The following OR1J2 variants were observed in gnomAD, a reference collection of about 807,000 sequenced individuals.
The protein encoded by OR1J2 is olfactory receptor family 1 subfamily J member 2.
For missense variants in OR1J2, 304 were observed against 246.1 expected (o/e 1.24, Z -1.57); for synonymous variants, 142 against 99.7 (o/e 1.42, Z -2.52).
chr9:122,567,511 G>A, the OR1J2 span: 1 of 1,426,684 alleles, frequency 7.0e-7, no homozygotes, highest in South Asian at 1.4e-5. Flanking sequence ...TCCAAGTTGA[G>A]CAGATTCCAC....
the OR1J2 span, among the ~76,000 whole-genome samples, chr9:122,502,880 G>A: frequency 6.6e-6 from 1 of 152,082 alleles, no homozygotes; most frequent in Non-Finnish European, 1.5e-5. Flanking sequence ...GGTAAGAGGG[G>A]CCACTCCTTC....
At chr9:122,495,696 A>G in the OR1J2 span, among the ~76,000 whole-genome samples, 1 of 151,194 alleles carries the variant, frequency 6.6e-6, no homozygotes, top group Non-Finnish European at 1.5e-5. Context: ...CAATTCAGAG[A>G]TTTCATCTTG....
chr9:122,460,163 A>T, the OR1J2 span, among the ~76,000 whole-genome samples: 2 of 119,978 alleles, frequency 1.7e-5, no homozygotes, highest in African/African-American at 7.0e-5. Flanking sequence ...CATGGTATGT[A>T]TATGTGTGTG....
chr9:122,552,392 C>T, the OR1J2 span, among the ~76,000 whole-genome samples: 1 of 152,064 alleles, frequency 6.6e-6, no homozygotes, highest in Non-Finnish European at 1.5e-5. Flanking sequence ...AAATGTAGTA[C>T]AAATGTAGGG....
downstream of OR1J2, among the ~76,000 whole-genome samples, chr9:122,513,217 T>C (rs1828660897): frequency 6.6e-6 from 1 of 152,236 alleles, no homozygotes; most frequent in Non-Finnish European, 1.5e-5. Context: ...GTATGCAAAA[T>C]GCAATATGTT....
At chr9:122,484,461 A>G in the OR1J2 span, among the ~76,000 whole-genome samples, 1 of 152,142 alleles carries the variant, frequency 6.6e-6, no homozygotes, top group Non-Finnish European at 1.5e-5. Flanking sequence ...CGCCTGGCGA[A>G]TAATTTTTAC....
At chr9:122,558,311 CTTTTTT>C in the OR1J2 span, among the ~76,000 whole-genome samples, 150 of 34,432 alleles carry the variant, frequency 4.4e-3, no homozygotes, top group Non-Finnish European at 4.7e-3. Context: ...TTGGATTTTG[CTTTTTT>C]TTTTTTTTTT....
At chr9:122,510,714 C>T (rs1263800469), upstream of OR1J2, 1 of 810,344 alleles carries the variant, frequency 1.2e-6, no homozygotes, top group Non-Finnish European at 2.0e-6. Flanking sequence ...TTAAAACGTA[C>T]ATCTTTTAAT....
chr9:122,550,156 A>G, the OR1J2 span, among the ~76,000 whole-genome samples: 1 of 152,176 alleles, frequency 6.6e-6, no homozygotes, highest in African/African-American at 2.4e-5. Context: ...AACCTTGAGG[A>G]AATGGATAAA....
At chr9:122,561,783 G>A in the OR1J2 span, among the ~76,000 whole-genome samples, 1 of 152,170 alleles carries the variant, frequency 6.6e-6, no homozygotes, top group Admixed American at 6.5e-5. Flanking sequence ...TAAAATGTCT[G>A]ACAACCCCTG....
the OR1J2 span, among the ~76,000 whole-genome samples, chr9:122,579,092 A>G: frequency 6.6e-6 from 1 of 152,156 alleles, no homozygotes; most frequent in Non-Finnish European, 1.5e-5. Context: ...TGCCAAGAAT[A>G]TATGTACAAG....
the OR1J2 span, among the ~76,000 whole-genome samples, chr9:122,559,678 G>A: frequency 2.8e-5 from 4 of 140,802 alleles, no homozygotes; most frequent in African/African-American, 7.9e-5. Flanking sequence ...TTTCACTGTG[G>A]TCTGAGAGAC....
At chr9:122,503,087 G>A in the OR1J2 span, among the ~76,000 whole-genome samples, 1 of 152,158 alleles carries the variant, frequency 6.6e-6, no homozygotes. Flanking sequence ...AAGTGATGTG[G>A]TATATGATAG....
At chr9:122,534,875 T>C in the OR1J2 span, among the ~76,000 whole-genome samples, 2 of 152,154 alleles carry the variant, frequency 1.3e-5, no homozygotes, top group South Asian at 4.1e-4. Flanking sequence ...ACAAGAATTA[T>C]TTAGATCTTG....
chr9:122,478,640 A>G, the OR1J2 span, among the ~76,000 whole-genome samples: 1 of 152,318 alleles, frequency 6.6e-6, no homozygotes, highest in African/African-American at 2.4e-5. Context: ...TTTTATCATG[A>G]TATATATGTA....
chr9:122,448,884 T>G, the OR1J2 span: 1 of 146,110 alleles, frequency 6.8e-6, no homozygotes, highest in African/African-American at 2.5e-5. Flanking sequence ...CCTTTCTACA[T>G]AGACACAGTA....
the OR1J2 span, among the ~76,000 whole-genome samples, chr9:122,546,300 C>T: frequency 1.3e-5 from 2 of 152,104 alleles, no homozygotes; most frequent in Non-Finnish European, 2.9e-5. Flanking sequence ...TTTTGCCACT[C>T]TTCCTATTGA....
the OR1J2 span, among the ~76,000 whole-genome samples, chr9:122,571,813 T>C: frequency 4.1e-3 from 631 of 152,186 alleles, 2 homozygotes; most frequent in Middle Eastern, 0.014. Flanking sequence ...AGGCAGAAGA[T>C]GCAGGCTGGA....
the OR1J2 span, among the ~76,000 whole-genome samples, chr9:122,539,168 G>A: frequency 1.3e-5 from 2 of 152,044 alleles, no homozygotes; most frequent in Non-Finnish European, 2.9e-5. Flanking sequence ...TGCACAATGT[G>A]CAGGTTTGTT....
Sources: gnomAD v4.1 joint callset for allele counts (sites outside exome capture counted in the v4.1 genomes callset) on GRCh38, gnomAD v4.1.1 for gene constraint, MANE v1.5 for transcripts, NCBI Gene and HGNC (gene_info 2026-07-23, HGNC 2026-07-21) for gene names.